Variants in ZMYM2 observed in about 807,000 individuals in gnomAD.
ZMYM2 encodes zinc finger MYM-type containing 2.
In ZMYM2, 56 loss-of-function variants were observed where a neutral mutation model predicts 162.8. The observed-to-expected ratio is 0.34, with a 90% CI of 0.28 to 0.43. The LOEUF is 0.43. Ranked by LOEUF, ZMYM2 falls within the 20% of genes least tolerant of loss-of-function variation. The probability of loss-of-function intolerance (pLI) is 1.00; values close to 1 mark genes in which losing one functional copy is unlikely to be tolerated. For synonymous variants in ZMYM2, 510 were observed against 541.6 expected (o/e 0.94, Z 0.81); for missense variants, 1,275 against 1,621.8 (o/e 0.79, Z 3.67).
chr13:20,038,924 T>C (rs570912231), intron 12 of ZMYM2, among the ~76,000 whole-genome samples: 106 of 152,264 alleles, frequency 7.0e-4, no homozygotes, highest in African/African-American at 2.4e-3. Context: ...ATGGAATGTT[T>C]TTCCATTTGT....
At chr13:19,894,179 A>G in the ZMYM2 span, among the ~76,000 whole-genome samples, 4 of 151,924 alleles carry the variant, frequency 2.6e-5, no homozygotes, top group African/African-American at 7.3e-5. Flanking sequence ...TCATAAGATA[A>G]AAATATTGTA....
chr13:20,007,305 T>G (rs1404779151), intron 6 of ZMYM2, among the ~76,000 whole-genome samples: 1 of 151,862 alleles, frequency 6.6e-6, no homozygotes, highest in Non-Finnish European at 1.5e-5. Flanking sequence ...CCGGCTAATT[T>G]TTTGTATTTT....
chr13:19,949,934 A>AG, the ZMYM2 span, among the ~76,000 whole-genome samples: 1 of 156 alleles, frequency 6.4e-3, no homozygotes, highest in Admixed American at 0.25. Flanking sequence ...AGCGAGAGAG[A>AG]AAAAAAGAAG....
rs1386997661 is a variant in ZMYM2 at position 20,066,993 on chromosome 13, T to A, written c.3275T>A (p.Leu1092His). The A allele has an allele frequency of 1.2e-6, 2 of 1,611,600 alleles. No homozygotes were observed. Residue 1092 changes from leucine (L) to histidine (H), a missense_variant, in exon 20 of 25, where the codon CTT becomes CAT. This residue lies in a region of ZMYM2 where 229 missense variants were observed against 283.8 expected (regional missense o/e 0.81). Transcript: ENST00000610343. ...WVKTRQLDED[L>H]LVLDELKSSK... ...AAAACTAGGCAACTTGATGAAGATC[T>A]TCTGGTATTAGATGAGTTAAAATCT...
intron 2 of ZMYM2, among the ~76,000 whole-genome samples, chr13:19,981,911 C>T (rs919033997): frequency 7.9e-5 from 12 of 152,098 alleles, no homozygotes; most frequent in South Asian, 4.1e-4. Context: ...AGTACACTGT[C>T]GATGTCACAT....
At chr13:20,035,321 A>G (rs368598425) in intron 11 of ZMYM2, among the ~76,000 whole-genome samples, 34 of 152,222 alleles carry the variant, frequency 2.2e-4, no homozygotes, top group African/African-American at 6.3e-4. Context: ...ATGTAAAGTC[A>G]TGTCCGTAAG....
chr13:19,977,010 C>A (rs1278245731), intron 2 of ZMYM2, among the ~76,000 whole-genome samples: 2 of 152,124 alleles, frequency 1.3e-5, no homozygotes, highest in South Asian at 4.1e-4. Context: ...TAGAACGAAC[C>A]TTTCATCAAT....
the ZMYM2 span, among the ~76,000 whole-genome samples, chr13:19,879,185 C>T: frequency 1.9e-4 from 29 of 152,112 alleles, no homozygotes; most frequent in South Asian, 5.4e-3. Context: ...GGTAAGAGTC[C>T]CAACTTCATT....
the ZMYM2 span, among the ~76,000 whole-genome samples, chr13:19,885,928 TGTATACAC>T: frequency 2.0e-4 from 20 of 97,600 alleles, 5 homozygotes; most frequent in African/African-American, 4.3e-4. Context: ...CATATATATG[TGTATACAC>T]ATATATATGT....
intron 2 of ZMYM2, among the ~76,000 whole-genome samples, chr13:19,980,085 A>C (rs1402764801): frequency 6.6e-6 from 1 of 151,768 alleles, no homozygotes; most frequent in Non-Finnish European, 1.5e-5. Context: ...GTATTCTTGT[A>C]ATTTATTTTT....
intron 2 of ZMYM2, among the ~76,000 whole-genome samples, chr13:19,988,609 C>G (rs1344987707): frequency 6.6e-6 from 1 of 152,066 alleles, no homozygotes; most frequent in Non-Finnish European, 1.5e-5. Context: ...TGGTGAAACC[C>G]CGTCTCTACT....
At chr13:19,947,550 C>G in the ZMYM2 span, among the ~76,000 whole-genome samples, 3 of 150,198 alleles carry the variant, frequency 2.0e-5, no homozygotes, top group Non-Finnish European at 4.4e-5. Flanking sequence ...ACTTCCGCCT[C>G]TGGGTTCGAG....
At chr13:19,912,487 C>G in the ZMYM2 span, among the ~76,000 whole-genome samples, 1 of 151,808 alleles carries the variant, frequency 6.6e-6, no homozygotes, top group African/African-American at 2.4e-5. Flanking sequence ...TGTTCACCAC[C>G]ACATCCAGCT....
At chr13:20,067,168 C>T (rs893917055) in intron 20 of ZMYM2, 71 bp from the exon 21 acceptor site, 36 of 1,414,242 alleles carry the variant, frequency 2.5e-5, no homozygotes, top group South Asian at 2.4e-4. Flanking sequence ...CAAAGAATAA[C>T]GTCAGAAAGT....
intron 19 of ZMYM2, among the ~76,000 whole-genome samples, chr13:20,066,249 C>A (rs933487255): frequency 6.6e-6 from 1 of 152,002 alleles, no homozygotes; most frequent in Non-Finnish European, 1.5e-5. Flanking sequence ...TACAGATGAC[C>A]GTTGTACAAT....
intron 18 of ZMYM2, 100 bp from the exon 19 acceptor site, chr13:20,064,351 A>G (rs2273993): frequency 0.079 from 76,680 of 964,976 alleles, 6,098 homozygotes; most frequent in African/African-American, 0.37. Flanking sequence ...GTCCCCATGT[A>G]TGAATGCTGG....
At chr13:20,031,156 C>G (rs569264874) in intron 9 of ZMYM2, among the ~76,000 whole-genome samples, 163 bp from the exon 10 acceptor site, 16 of 152,132 alleles carry the variant, frequency 1.1e-4, no homozygotes, top group African/African-American at 3.6e-4. Flanking sequence ...CTAACATATA[C>G]TATAATTTTT....
chr13:19,929,317 C>A, the ZMYM2 span, among the ~76,000 whole-genome samples: 3 of 152,032 alleles, frequency 2.0e-5, no homozygotes, highest in Non-Finnish European at 4.4e-5. Flanking sequence ...CGGCTCACTG[C>A]AAACTGCGCC....
chr13:19,965,396 C>T, intron 2 of ZMYM2: 1 of 499,278 alleles, frequency 2.0e-6, no homozygotes, highest in Non-Finnish European at 3.2e-6. Context: ...TGTCTTTTTC[C>T]TAGGAAGAAT....
Sources: allele counts gnomAD v4.1 joint callset (sites outside exome capture counted in the v4.1 genomes callset), GRCh38; gene constraint gnomAD v4.1.1; regional missense constraint gnomAD v4.1.1; transcripts MANE v1.5; gene names NCBI Gene and HGNC (gene_info 2026-07-23, HGNC 2026-07-21).